Variants in SPTBN1 observed in about 807,000 individuals in gnomAD.
SPTBN1 encodes spectrin beta chain, non-erythrocytic 1.
Under a neutral mutation model 266.4 loss-of-function variants are expected in SPTBN1, and 32 were observed. The ratio of observed to expected loss-of-function variants is 0.12; its 90% CI spans 0.09 to 0.16. The LOEUF is 0.16. Among genes scored for constraint, SPTBN1 ranks in the 10% least tolerant of loss-of-function variants. The probability of loss-of-function intolerance (pLI) is 1.00; values close to 1 mark genes in which losing one functional copy is unlikely to be tolerated. For synonymous variants in SPTBN1, 1,336 were observed against 1,162.2 expected (o/e 1.15, Z -3.04); for missense variants, 2,296 against 3,067.1 (o/e 0.75, Z 5.94).
chr2:54,653,871 A>G lies in SPTBN1; in HGVS notation c.5822+18A>G, dbSNP rs370661025. The G allele has an allele frequency of 3.7e-6, 6 of 1,600,574 alleles. No individual in the cohort carries two copies. Among genetic ancestry groups the G allele is most frequent in the South Asian group, 1.1e-5 (1 of 88,892 alleles). Reference sequence around the variant, plus strand: ...AAGCCAAGGTAACGCTTTCAGCCCAAAGGAAATTGGACTTATTGGCGCTTG... The same window carrying G: ...AAGCCAAGGTAACGCTTTCAGCCCAGAGGAAATTGGACTTATTGGCGCTTG... On this transcript the variant is annotated intron_variant, in intron 27 of 35. Coordinates refer to ENST00000356805, the MANE Select transcript of SPTBN1 (RefSeq NM_003128.3). This position sits in a 1 kb window ranked among gnomAD's most constrained non-coding sequence, Gnocchi z 5.1.
intron 2 of SPTBN1, among the ~76,000 whole-genome samples, chr2:54,537,993 A>C (rs981848933): frequency 2.0e-5 from 3 of 152,338 alleles, no homozygotes; most frequent in East Asian, 1.9e-4. Flanking sequence ...CCCAAAGGGG[A>C]AAGTTTGCTG....
intron 2 of SPTBN1, among the ~76,000 whole-genome samples, chr2:54,594,919 T>C (rs1448215688): frequency 6.8e-6 from 1 of 147,158 alleles, no homozygotes; most frequent in African/African-American, 2.5e-5. Flanking sequence ...ACTGCAACCT[T>C]TTTCTCCTGG....
chr2:54,640,194 G>T (rs1412727331), intron 18 of SPTBN1, among the ~76,000 whole-genome samples: 1 of 152,130 alleles, frequency 6.6e-6, no homozygotes, highest in African/African-American at 2.4e-5. Flanking sequence ...AATGGCGTTT[G>T]TGTGTGGACC....
At chr2:54,549,930 T>C (rs1465921452) in intron 2 of SPTBN1, among the ~76,000 whole-genome samples, 1 of 152,200 alleles carries the variant, frequency 6.6e-6, no homozygotes, top group Non-Finnish European at 1.5e-5. Context: ...CTGTCTTGTG[T>C]TGGGCACAGT....
intron 18 of SPTBN1, among the ~76,000 whole-genome samples, chr2:54,638,268 A>G (rs752944241): frequency 6.6e-6 from 1 of 152,240 alleles, no homozygotes; most frequent in African/African-American, 2.4e-5. Context: ...ATATTGTGCA[A>G]CCTAGAAGTA....
At chr2:54,659,809 G>A (rs1211289498) in intron 31 of SPTBN1, 127 bp from the exon 32 acceptor site, 24 of 1,452,554 alleles carry the variant, frequency 1.7e-5, no homozygotes, top group East Asian at 2.5e-5. Flanking sequence ...GATTTAAAAA[G>A]AATTAAATTA....
chr2:54,622,261 T>C (rs1678039451), intron 8 of SPTBN1, 39 bp from the exon 9 acceptor site: 1 of 1,600,308 alleles, frequency 6.2e-7, no homozygotes, highest in South Asian at 1.1e-5. Flanking sequence ...ACTTATGGAG[T>C]GACATGATCT....
At chr2:54,655,229 G>GGA (rs762541758) in intron 28 of SPTBN1, 21 bp downstream of exon 28, 1 of 1,607,488 alleles carries the variant, frequency 6.2e-7, no homozygotes. Context: ...ACTTTGCTTT[G>GGA]GAGCTGCAGC....
At chr2:54,472,019 GA>G (rs1348230783) in intron 1 of SPTBN1, among the ~76,000 whole-genome samples, 1 of 78,970 alleles carries the variant, frequency 1.3e-5, no homozygotes, top group African/African-American at 7.4e-5. Context: ...GGGCCCTGAA[GA>G]TGTTTTTTTT....
intron 3 of SPTBN1, among the ~76,000 whole-genome samples, chr2:54,606,143 T>A (rs186422693): frequency 3.7e-4 from 57 of 152,316 alleles, no homozygotes; most frequent in Admixed American, 1.2e-3. Context: ...CCGCATTCAT[T>A]TGAATGTAAG....
At chr2:54,497,092 C>G (rs191688515) in intron 1 of SPTBN1, among the ~76,000 whole-genome samples, 5 of 152,304 alleles carry the variant, frequency 3.3e-5, no homozygotes, top group Admixed American at 3.3e-4. Context: ...GATACGAAAT[C>G]TGCTTCTGGC....
chr2:54,562,516 ACTTTT>A (rs1298143642), intron 2 of SPTBN1, among the ~76,000 whole-genome samples: 1 of 67,730 alleles, frequency 1.5e-5, no homozygotes, highest in Non-Finnish European at 2.9e-5. Flanking sequence ...AGAAATGCTT[ACTTTT>A]CTTTTCTTTT....
At chr2:54,534,103 T>C (rs1671451396) in intron 2 of SPTBN1, among the ~76,000 whole-genome samples, 1 of 152,178 alleles carries the variant, frequency 6.6e-6, no homozygotes, top group Non-Finnish European at 1.5e-5. Context: ...AGAACACCTC[T>C]CCTTAAAACA....
At position 54,669,933 on chromosome 2, in the gene SPTBN1, G is replaced by C. The variant is rs1176171318; in HGVS notation, c.*1364G>C. 6.6e-6 allele frequency: 1 copy of C among 152,194 alleles called. No individual in the cohort carries two copies. Among genetic ancestry groups the C allele is most frequent in the Non-Finnish European group, 1.5e-5 (1 of 68,042 alleles). The allele number at this position is 152,194 out of a possible 1,614,324, so 9.4% of individuals were successfully genotyped here. A position where few individuals can be genotyped will look rare whatever the true frequency, so the allele number is the denominator to read the frequency against. ...AGCACTTGTGAAACCTGAACTCTGA[G>C]ATAGGGGTTGGCAAATTTGTTCTGT... On this transcript the variant is annotated 3_prime_UTR_variant, in exon 36 of 36. Transcript: ENST00000356805.
At chr2:54,575,943 G>C (rs968657700) in intron 2 of SPTBN1, among the ~76,000 whole-genome samples, 2 of 152,104 alleles carry the variant, frequency 1.3e-5, no homozygotes, top group Non-Finnish European at 2.9e-5. Context: ...TGGATGAGTG[G>C]TTAAAGCAGG....
At chr2:54,630,818 C>CCTTTTTCACACTCG (rs766033742) in intron 15 of SPTBN1, 37 bp from the exon 16 acceptor site, 1 of 1,529,426 alleles carries the variant, frequency 6.5e-7, no homozygotes, top group Non-Finnish European at 8.8e-7. Context: ...GTCAGTCTTC[C>CCTTTTTCACACTCG]CTTTTTCACA....
intron 1 of SPTBN1, among the ~76,000 whole-genome samples, chr2:54,513,131 C>T (rs577273257): frequency 6.6e-6 from 1 of 152,288 alleles, no homozygotes; most frequent in South Asian, 2.1e-4. Context: ...GCCAACACTG[C>T]ACCACTGCAC....
chr2:54,643,021 G>C lies in SPTBN1; in HGVS notation c.3897G>C (p.Gln1299His). The C allele has an allele frequency of 3.1e-6, 5 of 1,614,056 alleles. No homozygotes were observed. Among genetic ancestry groups the C allele is most frequent in the Non-Finnish European group, 4.2e-6 (5 of 1,179,946 alleles). The change falls in exon 19 of 36, where the codon CAG becomes CAC. Residue 1299 changes from glutamine (Q) to histidine (H), a missense_variant. Physicochemically the swap from Gln to His is conservative, Grantham distance 24 (BLOSUM62 0). Coordinates refer to ENST00000356805, the MANE Select transcript of SPTBN1 (RefSeq NM_003128.3). ...LWINEKMLTAQDMSYDEARNL... is the reference protein window; with the variant it reads ...LWINEKMLTAHDMSYDEARNL... The stretch of plus-strand genomic sequence containing the variant: ...TCAATGAGAAGATGCTCACAGCCCA[G>C]GACATGTCTTACGATGAAGCCAGAA...
At position 54,628,830 on chromosome 2, in the gene SPTBN1, T is replaced by C. The variant is rs1678532646; in HGVS notation, c.1799-103T>C. On this transcript the variant is annotated intron_variant, in intron 13 of 35. Transcript: ENST00000356805. This position sits in a 1 kb window ranked among gnomAD's most constrained non-coding sequence, Gnocchi z 4.3. ...CCTGCATTTACATTTAGCAGTGAGC[T>C]GGTAATCATAAGAATATGGGGTGTA... 7.0e-7 allele frequency: 1 copy of C among 1,426,650 alleles called. No individual in the cohort carries two copies. The highest frequency in any genetic ancestry group is 9.4e-7 in the Non-Finnish European group (1 of 1,064,054). The allele number at this position is 1,426,650 out of a possible 1,614,324, so 88.4% of individuals were successfully genotyped here. A position where few individuals can be genotyped will look rare whatever the true frequency, so the allele number is the denominator to read the frequency against.
Sources: gnomAD v4.1 joint callset for allele counts (sites outside exome capture counted in the v4.1 genomes callset) on GRCh38, gnomAD v4.1.1 for gene constraint, Gnocchi (gnomAD v3.1) non-coding constraint, MANE v1.5 for transcripts, NCBI Gene and HGNC (gene_info 2026-07-23, HGNC 2026-07-21) for gene names.